The following C19orf38 variants were observed in gnomAD, a reference collection of about 807,000 sequenced individuals.
C19orf38 encodes the protein chromosome 19 open reading frame 38.
Under a neutral mutation model 26.6 loss-of-function variants are expected in C19orf38, and 14 were observed. The ratio of observed to expected loss-of-function variants is 0.53; its 90% CI spans 0.35 to 0.82. The LOEUF is 0.82. Among genes scored for constraint, C19orf38 ranks in the 40% least tolerant of loss-of-function variants. The pLI is 0.01. For synonymous variants in C19orf38, 132 were observed against 128.5 expected (o/e 1.03, Z -0.18); for missense variants, 261 against 299.5 (o/e 0.87, Z 0.95).
At chr19:10,857,366 A>ATATATATATATATATTTT (rs1433358051) in intron 3 of C19orf38, among the ~76,000 whole-genome samples, 1 of 56,100 alleles carries the variant, frequency 1.8e-5, no homozygotes, top group Non-Finnish European at 2.6e-5. Flanking sequence ...ATATATATAT[A>ATATATATATATATATTTT]TTTTTTTTTT....
At chr19:10,860,261 C>T (rs767701666) in intron 5 of C19orf38, among the ~76,000 whole-genome samples, 3 of 151,972 alleles carry the variant, frequency 2.0e-5, no homozygotes, top group South Asian at 2.1e-4. Context: ...CGGCCAGGCG[C>T]GGTGACTCAC....
At chr19:10,863,278 G>A (rs2073721101) in intron 6 of C19orf38, 71 bp downstream of exon 6, 1 of 1,490,586 alleles carries the variant, frequency 6.7e-7, no homozygotes, top group Non-Finnish European at 9.2e-7. Context: ...CGGGCTCAAG[G>A]GGCACCACGA....
At chr19:10,861,584 CTT>C (rs1010313181) in intron 5 of C19orf38, among the ~76,000 whole-genome samples, 1 of 146,766 alleles carries the variant, frequency 6.8e-6, no homozygotes. Flanking sequence ...TGATGTTTTT[CTT>C]TTTTTTTTTG....
upstream of C19orf38, among the ~76,000 whole-genome samples, chr19:10,844,251 A>C (rs1290377497): frequency 6.6e-6 from 1 of 151,332 alleles, no homozygotes; most frequent in African/African-American, 2.4e-5. Flanking sequence ...CTAAAAATAC[A>C]AAAATTAGCC....
At chr19:10,841,823 A>G in intron 1 of C19orf38, 1 of 1,300,202 alleles carries the variant, frequency 7.7e-7, no homozygotes, top group South Asian at 1.2e-5. Context: ...AACATTTTTT[A>G]AAAAATTAGC....
intron 1 of C19orf38, among the ~76,000 whole-genome samples, chr19:10,849,141 C>T (rs954424107): frequency 2.6e-5 from 4 of 151,990 alleles, no homozygotes; most frequent in African/African-American, 9.7e-5. Flanking sequence ...CACTCACCCC[C>T]TCCCTCCTGC....
At chr19:10,864,754 G>A (rs1005982988) in intron 6 of C19orf38, among the ~76,000 whole-genome samples, 6 of 152,190 alleles carry the variant, frequency 3.9e-5, no homozygotes, top group African/African-American at 1.4e-4. Flanking sequence ...GGTTAGGGGA[G>A]ATATAGGGGA....
At chr19:10,859,363 TATATATATATATATATATATA>T (rs1328577785) in intron 4 of C19orf38, among the ~76,000 whole-genome samples, 4 of 45,500 alleles carry the variant, frequency 8.8e-5, no homozygotes, top group African/African-American at 5.4e-4. Context: ...TATATATATA[TATATATATATATATATATATA>T]TTTTTTTTTT....
chr19:10,850,424 A>G lies in C19orf38; in HGVS notation c.197A>G (p.Asp66Gly). Reference sequence around the variant, plus strand: ...GTCCAGCTCCTGCAGGCCCCCACGGACCAGCGCGGGGTGACATTTAACCTG... The same window carrying G: ...GTCCAGCTCCTGCAGGCCCCCACGGGCCAGCGCGGGGTGACATTTAACCTG... ...QVVQLLQAPTDQRGVTFNLSG... is the reference protein window; with the variant it reads ...QVVQLLQAPTGQRGVTFNLSG... Residue 66 changes from aspartate (D) to glycine (G), a missense_variant, in exon 2 of 7, where the codon GAC (aspartate) becomes GGC (glycine). Asp to Gly is a moderately conservative substitution (Grantham distance 94). Transcript: ENST00000397820. 1 of 1,551,162 alleles carries G rather than the reference A, an allele frequency of 6.4e-7. No individual in the cohort carries two copies.
At chr19:10,857,355 TATA>T (rs2073637561) in intron 3 of C19orf38, among the ~76,000 whole-genome samples, 1 of 82,874 alleles carries the variant, frequency 1.2e-5, no homozygotes, top group African/African-American at 9.2e-5. Context: ...TATATATATA[TATA>T]TATATATATT....
intron 6 of C19orf38, among the ~76,000 whole-genome samples, chr19:10,868,730 T>C (rs1403962064): frequency 6.6e-6 from 1 of 152,184 alleles, no homozygotes; most frequent in Non-Finnish European, 1.5e-5. Flanking sequence ...GGTCTCGAAC[T>C]CCTGACCTGA....
chr19:10,849,835 G>C (rs535602888), intron 1 of C19orf38, among the ~76,000 whole-genome samples: 22 of 152,038 alleles, frequency 1.4e-4, no homozygotes, highest in East Asian at 5.8e-4. Context: ...AGGCCGAGGT[G>C]GGGGGAGTCA....
In C19orf38 at chr19:10,858,298, A is replaced by G. The variant is rs1413142263; in HGVS notation, c.434-18A>G. The G allele has an allele frequency of 6.5e-7, 1 of 1,537,394 alleles. No homozygotes were observed. The highest frequency in any genetic ancestry group is 2.0e-5 in the Admixed American group (1 of 50,216). On this transcript the variant is annotated intron_variant, in intron 3 of 6. Transcript: ENST00000397820. ...TAGGACCAAAATCTAACACATGCTC[A>G]TTTCTTTTTTGTTCCAGTTAAACTC... is the stretch of plus-strand genomic sequence containing the variant.
At chr19:10,844,847 C>CAAA (rs36112084), upstream of C19orf38, among the ~76,000 whole-genome samples, 1 of 63,418 alleles carries the variant, frequency 1.6e-5, no homozygotes. Flanking sequence ...GATTCCATCT[C>CAAA]AAAAAAAAAA....
chr19:10,841,462 G>A (rs1265817910), intron 1 of C19orf38, among the ~76,000 whole-genome samples: 2 of 151,542 alleles, frequency 1.3e-5, no homozygotes, highest in African/African-American at 4.9e-5. Context: ...CAGCCTGGGT[G>A]ACAGTGAGAC....
intron 1 of C19orf38, among the ~76,000 whole-genome samples, chr19:10,838,044 C>T (rs2073450089): frequency 6.6e-6 from 1 of 152,220 alleles, no homozygotes; most frequent in South Asian, 2.1e-4. Flanking sequence ...TGCCTGCTCC[C>T]TCACCCTCCC....
At chr19:10,841,150 T>C (rs2073474949) in intron 1 of C19orf38, among the ~76,000 whole-genome samples, 2 of 152,142 alleles carry the variant, frequency 1.3e-5, no homozygotes, top group South Asian at 4.1e-4. Context: ...ACACATATTA[T>C]AGAGAGGAAA....
chr19:10,864,587 C>T (rs913961761), intron 6 of C19orf38, among the ~76,000 whole-genome samples: 38 of 152,188 alleles, frequency 2.5e-4, no homozygotes, highest in African/African-American at 9.1e-4. Context: ...ACACAGGCGC[C>T]CTCTGGTGGC....
intron 1 of C19orf38, 39 bp downstream of exon 1, chr19:10,848,578 TC>T (rs138730301): frequency 0.038 from 49,047 of 1,276,966 alleles, 921 homozygotes; most frequent in Non-Finnish European, 0.042. Context: ...CCCACGCCTT[TC>T]CCCCCATCCT....
Sources: gnomAD v4.1 joint callset for allele counts (sites outside exome capture counted in the v4.1 genomes callset) on GRCh38, gnomAD v4.1.1 for gene constraint, MANE v1.5 for transcripts, NCBI Gene and HGNC (gene_info 2026-07-23, HGNC 2026-07-21) for gene names.